Variants in TCF7L1 observed in about 807,000 individuals in gnomAD.
TCF7L1 encodes transcription factor 7 like 1, also known as transcription factor 7-like 1.
In TCF7L1, 18 loss-of-function variants were observed where a neutral mutation model predicts 63.7. The ratio of observed to expected loss-of-function variants is 0.28; its 90% CI spans 0.20 to 0.42. The LOEUF (loss-of-function observed/expected upper bound fraction) is 0.42. Ranked by LOEUF, TCF7L1 falls within the 10% of genes least tolerant of loss-of-function variation. The pLI, the probability that TCF7L1 is intolerant of heterozygous loss-of-function variation, is 1.00. For missense variants in TCF7L1, 654 were observed against 779.3 expected, an observed-to-expected ratio of 0.84 and a Z score of 1.91; for synonymous variants, 355 against 340.9, an observed-to-expected ratio of 1.04 and a Z score of -0.46.
chr2:85,190,821 C>A (rs1679025538), intron 3 of TCF7L1, among the ~76,000 whole-genome samples: 1 of 152,164 alleles, frequency 6.6e-6, no homozygotes, highest in African/African-American at 2.4e-5. Context: ...GTGGTAAGTG[C>A]TGCAGGCATT....
chr2:85,256,050 A>G (rs1257723999), intron 3 of TCF7L1, among the ~76,000 whole-genome samples: 1 of 152,126 alleles, frequency 6.6e-6, no homozygotes, highest in Admixed American at 6.5e-5. Context: ...GTGAGGCTGG[A>G]CAGCAAGTGG....
At chr2:85,210,074 T>C (rs1252960186) in intron 3 of TCF7L1, among the ~76,000 whole-genome samples, 1 of 152,168 alleles carries the variant, frequency 6.6e-6, no homozygotes, top group African/African-American at 2.4e-5. Context: ...ATGAACTGGA[T>C]ATAGTCTTCA....
intron 3 of TCF7L1, among the ~76,000 whole-genome samples, chr2:85,158,215 G>A (rs1678195932): frequency 6.6e-6 from 1 of 152,194 alleles, no homozygotes; most frequent in African/African-American, 2.4e-5. Flanking sequence ...CAGGACTCCT[G>A]CTCTGGCTTC....
intron 4 of TCF7L1, among the ~76,000 whole-genome samples, chr2:85,291,609 A>T (rs2104377535): frequency 6.6e-6 from 1 of 151,876 alleles, no homozygotes; most frequent in South Asian, 2.1e-4. Context: ...ACGGAGTTTC[A>T]CTCTTGTCAC....
intron 3 of TCF7L1, among the ~76,000 whole-genome samples, chr2:85,252,652 C>T (rs1207811886): frequency 6.6e-6 from 1 of 152,216 alleles, no homozygotes; most frequent in Non-Finnish European, 1.5e-5. Context: ...TTCCAAAGAA[C>T]AGTCTAGAAA....
intron 3 of TCF7L1, among the ~76,000 whole-genome samples, chr2:85,153,493 C>G (rs1414509341): frequency 6.6e-6 from 1 of 151,910 alleles, no homozygotes; most frequent in Non-Finnish European, 1.5e-5. Flanking sequence ...AGGTGCCCAC[C>G]ACCACGCCCG....
intron 3 of TCF7L1, among the ~76,000 whole-genome samples, chr2:85,170,601 C>T (rs1215935602): frequency 6.6e-6 from 1 of 152,154 alleles, no homozygotes; most frequent in Non-Finnish European, 1.5e-5. Context: ...GGAGAGTTCT[C>T]TCTGATTCTT....
intron 3 of TCF7L1, among the ~76,000 whole-genome samples, chr2:85,179,857 C>A (rs926491358): frequency 6.6e-6 from 1 of 152,110 alleles, no homozygotes; most frequent in Non-Finnish European, 1.5e-5. Context: ...TATATCCTTT[C>A]TCTTGAGTCA....
Position 85,249,472 on chromosome 2 carries a change from T to G in TCF7L1, c.442-34023T>G, listed in dbSNP as rs1291810154. On this transcript the variant is annotated intron_variant, in intron 3 of 11. Transcript: ENST00000282111. ...CTAATTGCATCCTGTGCCTCTTTCC[T>G]TTTTTTCCCTCCAGAAGTGGAAGGC... is the stretch of plus-strand genomic sequence containing the variant. Among the ~76,000 whole-genome samples the G allele has an allele frequency of 2.6e-5, 4 of 152,266 alleles. No individual in the cohort carries two copies. The East Asian group carries it at 7.7e-4, about 29-fold the overall frequency.
At chr2:85,236,070 C>T (rs1055039743) in intron 3 of TCF7L1, among the ~76,000 whole-genome samples, 7 of 152,082 alleles carry the variant, frequency 4.6e-5, no homozygotes, top group African/African-American at 1.7e-4. Context: ...AGAGGATTGC[C>T]TGAGCCCTGG....
At chr2:85,278,252 A>G (rs1308112429) in intron 3 of TCF7L1, among the ~76,000 whole-genome samples, 23 of 152,222 alleles carry the variant, frequency 1.5e-4, no homozygotes, top group Admixed American at 1.5e-3. Context: ...GCTCGCCCCA[A>G]GGAGGGCTCT....
chr2:85,150,509 G>A (rs1574079945), intron 3 of TCF7L1, among the ~76,000 whole-genome samples: 1 of 152,224 alleles, frequency 6.6e-6, no homozygotes, highest in East Asian at 1.9e-4. Context: ...TGGTATTACA[G>A]GCGTGAGCCA....
intron 3 of TCF7L1, among the ~76,000 whole-genome samples, chr2:85,255,770 C>T (rs1680701761): frequency 6.6e-6 from 1 of 152,158 alleles, no homozygotes; most frequent in Non-Finnish European, 1.5e-5. Flanking sequence ...AGTATCCTCT[C>T]TGGTCCCACG....
intron 4 of TCF7L1, among the ~76,000 whole-genome samples, chr2:85,297,477 A>AT (rs1433501742): frequency 2.1e-4 from 32 of 152,236 alleles, no homozygotes; most frequent in African/African-American, 7.7e-4. Flanking sequence ...TTTGGCCAAA[A>AT]TGTCCTTCCC....
intron 3 of TCF7L1, among the ~76,000 whole-genome samples, chr2:85,201,289 TTA>T (rs1395860137): frequency 1.3e-5 from 2 of 152,222 alleles, no homozygotes; most frequent in African/African-American, 4.8e-5. Context: ...TATTGCATCT[TTA>T]TGTTTGTTTA....
chr2:85,136,602 C>T (rs1677600626), intron 3 of TCF7L1, among the ~76,000 whole-genome samples: 1 of 152,164 alleles, frequency 6.6e-6, no homozygotes, highest in Admixed American at 6.5e-5. Context: ...ATGTCCCATC[C>T]CACCCCCATA....
intron 3 of TCF7L1, among the ~76,000 whole-genome samples, chr2:85,144,414 C>G (rs1270517900): frequency 1.2e-5 from 1 of 81,492 alleles, no homozygotes; most frequent in Non-Finnish European, 2.2e-5. Context: ...AACCCTGTCT[C>G]TACAAAAAAA....
At chr2:85,289,910 G>A (rs1476593458) in intron 4 of TCF7L1, among the ~76,000 whole-genome samples, 2 of 151,704 alleles carry the variant, frequency 1.3e-5, no homozygotes, top group African/African-American at 2.4e-5. Context: ...CTGGCCTCAC[G>A]GGATCCGCGC....
At chr2:85,189,289 C>T (rs541892788) in intron 3 of TCF7L1, among the ~76,000 whole-genome samples, 1 of 152,098 alleles carries the variant, frequency 6.6e-6, no homozygotes, top group African/African-American at 2.4e-5. Context: ...TTGGCCGTGT[C>T]CTTTCGAGAT....
Sources: allele counts gnomAD v4.1 joint callset (sites outside exome capture counted in the v4.1 genomes callset), GRCh38; gene constraint gnomAD v4.1.1; transcripts MANE v1.5; gene names NCBI Gene and HGNC (gene_info 2026-07-23, HGNC 2026-07-21).